HS3ST2: variants seen among roughly 807,000 people sequenced by gnomAD.
HS3ST2 encodes heparan sulfate-glucosamine 3-sulfotransferase 2, also known as heparan sulfate glucosamine 3-O-sulfotransferase 2.
HS3ST2 carries 17 observed loss-of-function variants against 26.3 expected under a neutral mutation model. The observed-to-expected ratio is 0.65, with a 90% CI of 0.44 to 0.97. The LOEUF (loss-of-function observed/expected upper bound fraction) is 0.97. Among genes scored for constraint, HS3ST2 ranks in the 50% least tolerant of loss-of-function variants. The pLI, the probability that HS3ST2 is intolerant of heterozygous loss-of-function variation, is 0.00. For synonymous variants in HS3ST2, 237 were observed against 219.2 expected (o/e 1.08, Z -0.72); for missense variants, 402 against 501.2 (o/e 0.80, Z 1.89).
intron 1 of HS3ST2, among the ~76,000 whole-genome samples, chr16:22,829,391 T>C (rs1228353729): frequency 6.6e-6 from 1 of 152,218 alleles, no homozygotes. Flanking sequence ...AGGTAGGGTA[T>C]TGATTGTCCC....
Position 22,886,476 on chromosome 16 carries a change from G to A in HS3ST2, c.486-28468G>A, listed in dbSNP as rs77706641. On this transcript the variant is annotated intron_variant, in intron 1 of 1. Transcript: ENST00000261374. ...GCCGGCCTCACGGAAAATAGACAGCGTGTAAGCCCAGCTATAGGGGAGACA... is the reference window on the plus strand; with the variant it reads ...GCCGGCCTCACGGAAAATAGACAGCATGTAAGCCCAGCTATAGGGGAGACA... Among the ~76,000 whole-genome samples, 812 of 152,258 alleles carry A rather than the reference G, an allele frequency of 5.3e-3. 6 individuals are homozygous for A. Among genetic ancestry groups the A allele is most frequent in the African/African-American group, 0.016 (668 of 41,546 alleles).
Position 22,915,132 on chromosome 16 carries a change from T to A in HS3ST2, c.674T>A (p.Ile225Asn). Residue 225 changes from isoleucine to asparagine, a missense_variant, in exon 2 of 2, where the codon ATC becomes AAC. Transcript: ENST00000261374. ...CAGACACTCTCCAAGAAGCCCGACA[T>A]CCCGACCTTTGAGGGCCTCTCCTTC... is the stretch of plus-strand genomic sequence containing the variant. Reference protein sequence around the residue: ...YTQTLSKKPDIPTFEGLSFRN... With the variant: ...YTQTLSKKPDNPTFEGLSFRN... The A allele has an allele frequency of 1.9e-6, 3 of 1,613,936 alleles. No individual in the cohort carries two copies. The highest frequency in any genetic ancestry group is 2.5e-6 in the Non-Finnish European group (3 of 1,179,944).
intron 1 of HS3ST2, among the ~76,000 whole-genome samples, chr16:22,864,165 A>G (rs530831776): frequency 4.8e-4 from 73 of 152,308 alleles, no homozygotes; most frequent in South Asian, 4.3e-3. Context: ...CTTTCAGTTG[A>G]GGCTGCACCC....
chr16:22,851,296 C>A (rs971958859), intron 1 of HS3ST2, among the ~76,000 whole-genome samples: 2 of 152,202 alleles, frequency 1.3e-5, no homozygotes, highest in African/African-American at 4.8e-5. Context: ...TATAAACCAC[C>A]TGCATTTTAT....
chr16:22,858,273 T>G (rs773322584), intron 1 of HS3ST2, among the ~76,000 whole-genome samples: 1 of 151,456 alleles, frequency 6.6e-6, no homozygotes, highest in Non-Finnish European at 1.5e-5. Context: ...TATTATGCAT[T>G]GCATGTCTGT....
chr16:22,870,815 C>T (rs922946656), intron 1 of HS3ST2, among the ~76,000 whole-genome samples: 17 of 152,160 alleles, frequency 1.1e-4, no homozygotes, highest in Admixed American at 3.9e-4. Flanking sequence ...CCTCCCTGGC[C>T]CTCCATCACT....
chr16:22,834,757 C>G (rs937019812), intron 1 of HS3ST2, among the ~76,000 whole-genome samples: 1 of 148,978 alleles, frequency 6.7e-6, no homozygotes. Context: ...TTATACTTCC[C>G]TAGCACAGTC....
At chr16:22,863,545 A>G (rs527977230) in intron 1 of HS3ST2, among the ~76,000 whole-genome samples, 2 of 152,376 alleles carry the variant, frequency 1.3e-5, no homozygotes, top group East Asian at 1.9e-4. Flanking sequence ...GAGAGTGAGC[A>G]TAGTACACAA....
At chr16:22,834,208 A>G (rs1596608000) in intron 1 of HS3ST2, among the ~76,000 whole-genome samples, 1 of 152,146 alleles carries the variant, frequency 6.6e-6, no homozygotes, top group South Asian at 2.1e-4. Context: ...GCATTGTGGA[A>G]AAATTAGGAA....
At chr16:22,866,314 C>T (rs9922535) in intron 1 of HS3ST2, among the ~76,000 whole-genome samples, 6,770 of 147,514 alleles carry the variant, frequency 0.046, 457 homozygotes, top group African/African-American at 0.16. Context: ...CGCGCAAGCA[C>T]GTGCGCGCGC....
intron 1 of HS3ST2, among the ~76,000 whole-genome samples, chr16:22,857,343 G>T (rs1221125534): frequency 6.6e-6 from 1 of 152,116 alleles, no homozygotes; most frequent in Non-Finnish European, 1.5e-5. Flanking sequence ...CAAGCTAGAG[G>T]CCTTTTGATT....
intron 1 of HS3ST2, among the ~76,000 whole-genome samples, chr16:22,900,020 A>G (rs1305276851): frequency 6.6e-6 from 1 of 152,180 alleles, no homozygotes; most frequent in Non-Finnish European, 1.5e-5. Flanking sequence ...GAGTATAGAG[A>G]GAGGGCACTC....
chr16:22,875,709 G>T (rs1387942582), intron 1 of HS3ST2, among the ~76,000 whole-genome samples: 10 of 152,176 alleles, frequency 6.6e-5, no homozygotes, highest in Non-Finnish European at 2.9e-5. Flanking sequence ...AAAACCTGCA[G>T]TTGTGTACAG....
At chr16:22,853,537 C>T (rs1901547381) in intron 1 of HS3ST2, among the ~76,000 whole-genome samples, 1 of 152,186 alleles carries the variant, frequency 6.6e-6, no homozygotes, top group African/African-American at 2.4e-5. Flanking sequence ...ATCTTCCCCT[C>T]TTCCTCCCCT....
intron 1 of HS3ST2, among the ~76,000 whole-genome samples, chr16:22,879,564 G>C (rs930599527): frequency 6.6e-6 from 1 of 152,202 alleles, no homozygotes; most frequent in South Asian, 2.1e-4. Context: ...CTGAGTGCAC[G>C]TGACCCGAGT....
chr16:22,865,035 G>C (rs1167864891), intron 1 of HS3ST2, among the ~76,000 whole-genome samples: 5 of 106,182 alleles, frequency 4.7e-5, no homozygotes, highest in African/African-American at 1.9e-4. Flanking sequence ...TGGGTGACGA[G>C]TAAGACCCTA....
At chr16:22,896,408 A>G (rs1000888470) in intron 1 of HS3ST2, among the ~76,000 whole-genome samples, 1 of 152,216 alleles carries the variant, frequency 6.6e-6, no homozygotes, top group Admixed American at 6.5e-5. Context: ...AATGTACCCC[A>G]CATAGCCATC....
At chr16:22,893,124 G>C (rs1217656654) in intron 1 of HS3ST2, among the ~76,000 whole-genome samples, 1 of 152,166 alleles carries the variant, frequency 6.6e-6, no homozygotes, top group African/African-American at 2.4e-5. Context: ...TACGGGGACA[G>C]GTACTAGAGT....
chr16:22,838,447 G>A (rs969564058), intron 1 of HS3ST2, among the ~76,000 whole-genome samples: 1 of 152,158 alleles, frequency 6.6e-6, no homozygotes, highest in Non-Finnish European at 1.5e-5. Flanking sequence ...AGCAGCCGCA[G>A]AATGAGTCCT....
Sources: gnomAD v4.1 joint callset for allele counts (sites outside exome capture counted in the v4.1 genomes callset) on GRCh38, gnomAD v4.1.1 for gene constraint, MANE v1.5 for transcripts, NCBI Gene and HGNC (gene_info 2026-07-23, HGNC 2026-07-21) for gene names.